Variants in AP1M1 observed in about 807,000 individuals in gnomAD.
The protein encoded by AP1M1 is AP-1 complex subunit mu-1.
Under a neutral mutation model 57.1 loss-of-function variants are expected in AP1M1, and 18 were observed. That is an observed-to-expected ratio of 0.32 (90% CI 0.22 to 0.47). The LOEUF is 0.47. AP1M1 is among the 20% of genes least tolerant of loss of function. The pLI, the probability that AP1M1 is intolerant of heterozygous loss-of-function variation, is 1.00. For missense variants in AP1M1, 362 were observed against 593.5 expected (o/e 0.61, Z 4.05); for synonymous variants, 241 against 237.9 (o/e 1.01, Z -0.12).
intron 5 of AP1M1, among the ~76,000 whole-genome samples, chr19:16,211,090 C>A (rs2091491349): frequency 1.5e-5 from 2 of 130,768 alleles, no homozygotes; most frequent in Admixed American, 8.6e-5. Flanking sequence ...TCTTTTTATT[C>A]TCTTAGCAGT....
At chr19:16,205,659 C>T (rs1170319201) in intron 2 of AP1M1, among the ~76,000 whole-genome samples, 2 of 152,118 alleles carry the variant, frequency 1.3e-5, no homozygotes, top group Non-Finnish European at 2.9e-5. Context: ...CCTTCTCTGG[C>T]GGCCCGGGGA....
chr19:16,226,427 G>A lies in AP1M1; in HGVS notation c.553G>A (p.Ala185Thr), dbSNP rs777141997. ...VIESVNLLVSANGNVLRSEIV... is the reference protein window; with the variant it reads ...VIESVNLLVSTNGNVLRSEIV... The stretch of plus-strand genomic sequence containing the variant: ...CCCACACCGCCACCCCCAGGTCAGC[G>A]CCAACGGCAATGTCCTGCGCAGCGA... The change falls in exon 6 of 12, where the codon GCC becomes ACC. Residue 185 changes from alanine (A) to threonine (T), a missense_variant. Ala to Thr is a moderately conservative substitution (Grantham distance 58). Coordinates refer to ENST00000291439, the MANE Select transcript of AP1M1 (RefSeq NM_032493.4). 1.0e-5 allele frequency: 16 copies of A among 1,540,048 alleles called. No homozygotes were observed. Among genetic ancestry groups the A allele is most frequent in the Admixed American group, 3.8e-5 (2 of 52,862 alleles).
chr19:16,210,294 CA>C (rs1197116088), intron 5 of AP1M1: 42 of 688,166 alleles, frequency 6.1e-5, no homozygotes, highest in Non-Finnish European at 1.1e-4. Flanking sequence ...TGGCAATTGT[CA>C]ATAGAGTTGC....
At chr19:16,209,699 C>T (rs532397224) in intron 5 of AP1M1, among the ~76,000 whole-genome samples, 1 of 151,968 alleles carries the variant, frequency 6.6e-6, no homozygotes, top group Non-Finnish European at 1.5e-5. Flanking sequence ...GGGCCTCATT[C>T]TGTAGACAGA....
At chr19:16,226,014 C>T (rs1468196364) in intron 5 of AP1M1, among the ~76,000 whole-genome samples, 1 of 152,160 alleles carries the variant, frequency 6.6e-6, no homozygotes, top group Admixed American at 6.5e-5. Flanking sequence ...AGCGTGGGGA[C>T]CAGCTGCCGG....
intron 5 of AP1M1, among the ~76,000 whole-genome samples, chr19:16,211,403 A>G (rs1381502677): frequency 7.9e-5 from 12 of 152,130 alleles, no homozygotes; most frequent in Admixed American, 7.2e-4. Flanking sequence ...CCCCAATACT[A>G]TATTGAATAG....
chr19:16,219,697 G>A (rs902949436), intron 5 of AP1M1, among the ~76,000 whole-genome samples: 2 of 152,126 alleles, frequency 1.3e-5, no homozygotes, highest in South Asian at 2.1e-4. Flanking sequence ...ACTGCACCTG[G>A]CTTCATTTAT....
At chr19:16,220,367 A>G (rs1194022309) in intron 5 of AP1M1, among the ~76,000 whole-genome samples, 1 of 151,942 alleles carries the variant, frequency 6.6e-6, no homozygotes, top group African/African-American at 2.4e-5. Flanking sequence ...GTGTGCCACC[A>G]TGCCCGGCTT....
chr19:16,231,193 T>C lies in AP1M1; in HGVS notation c.1047+2265T>C, dbSNP rs1203771608. 4.1e-5 allele frequency among the ~76,000 whole-genome samples: 6 copies of C among 144,656 alleles called. No homozygotes were observed. The South Asian group carries it at 6.6e-4, about 16-fold the overall frequency. The allele number at this position is 144,656 out of a possible 152,430, so 94.9% of individuals were successfully genotyped here. On this transcript the variant is annotated intron_variant, in intron 9 of 11. Coordinates refer to ENST00000291439, the MANE Select transcript of AP1M1 (RefSeq NM_032493.4). ...GTCCCAGCTACTCGGGAGGCTGAGG[T>C]GGGAGAATGGTGTGAACTCGGGAGG...
intron 2 of AP1M1, among the ~76,000 whole-genome samples, chr19:16,204,894 C>G (rs4808469): frequency 0.66 from 98,445 of 149,850 alleles, 34,623 homozygotes; most frequent in Non-Finnish European, 0.8. Flanking sequence ...GCAGTGGCGC[C>G]ATCTGGGCTC....
chr19:16,232,746 G>A lies in AP1M1; in HGVS notation c.1048-747G>A, dbSNP rs544516262. ...AGTAGCTCCCACGGAACCTCGGCCT[G>A]AGCCCTGGGGAGCAGAGACTGTGGG... On this transcript the variant is annotated intron_variant, in intron 9 of 11. Coordinates refer to ENST00000291439, the MANE Select transcript of AP1M1 (RefSeq NM_032493.4). Among the ~76,000 whole-genome samples the A allele has an allele frequency of 4.0e-4, 61 of 152,352 alleles. 1 individual carries two copies. The highest frequency in any genetic ancestry group is 3.1e-3 in the Admixed American group (48 of 15,306).
At position 16,238,562 on chromosome 19, in the gene AP1M1, A is replaced by G. The variant is rs978858266; in HGVS notation, c.*4127A>G. 6.6e-6 allele frequency: 1 copy of G among 152,198 alleles called. No individual in the cohort carries two copies. The highest frequency in any genetic ancestry group is 2.4e-5 in the African/African-American group (1 of 41,438). The allele number at this position is 152,198 out of a possible 1,614,324, so 9.4% of individuals were successfully genotyped here. On this transcript the variant is annotated 3_prime_UTR_variant, in exon 12 of 12. Transcript: ENST00000291439. ...GCTTAGGGATCTATATATATCCAGC[A>G]AAAGTCTAACGAGATGCTTGAGAAT...
chr19:16,199,665 A>T (rs1402323875), intron 1 of AP1M1, among the ~76,000 whole-genome samples: 1 of 151,958 alleles, frequency 6.6e-6, no homozygotes, highest in Non-Finnish European at 1.5e-5. Context: ...ACCCAAAGTC[A>T]ACAACTGGTG....
rs1453135961 is a variant in AP1M1, at chr19:16,235,105, C to G, written c.*670C>G. ...TCTGCCTGCTCCCTGGACTCGCAGG[C>G]CTCGCCTGTGGCGCCTTCCCAGGGC... On this transcript the variant is annotated 3_prime_UTR_variant, in exon 12 of 12. Coordinates refer to ENST00000291439, the MANE Select transcript of AP1M1 (RefSeq NM_032493.4). 6.6e-6 allele frequency: 1 copy of G among 152,510 alleles called. No individual in the cohort carries two copies. The highest frequency in any genetic ancestry group is 1.5e-5 in the Non-Finnish European group (1 of 68,290). The allele number at this position is 152,510 out of a possible 1,614,324, so 9.4% of individuals were successfully genotyped here. A position where few individuals can be genotyped will look rare whatever the true frequency, so the allele number is the denominator to read the frequency against.
chr19:16,200,292 G>A (rs1046295732), intron 1 of AP1M1, among the ~76,000 whole-genome samples: 2 of 152,208 alleles, frequency 1.3e-5, no homozygotes, highest in South Asian at 2.1e-4. Flanking sequence ...TGAAGAGGGC[G>A]ACGCTGGAAG....
rs1399755493 is a variant in AP1M1 at position 16,243,154 on chromosome 19, G to C, written c.*8719G>C. On this transcript the variant is annotated 3_prime_UTR_variant, in exon 12 of 12. Coordinates refer to ENST00000291439, the MANE Select transcript of AP1M1 (RefSeq NM_032493.4). ...CACACAACTCCAAGAATTATTATTA[G>C]AGTTCCCACTCTCTGAGGAATTTTC... 1 of 152,156 alleles carries C rather than the reference G, an allele frequency of 6.6e-6. No individual in the cohort carries two copies. The highest frequency in any genetic ancestry group is 1.9e-4 in the East Asian group (1 of 5,196). The allele number at this position is 152,156 out of a possible 1,614,324, so 9.4% of individuals were successfully genotyped here.
intron 4 of AP1M1, among the ~76,000 whole-genome samples, chr19:16,208,479 T>C (rs2091479582): frequency 6.6e-6 from 1 of 152,196 alleles, no homozygotes; most frequent in Non-Finnish European, 1.5e-5. Context: ...CTCTTTGGAA[T>C]CCTGCCCTTC....
rs915445670 is a variant in AP1M1, at chr19:16,242,640, C to T, written c.*8205C>T. ...TAAAAAAACATTAAAAGATGTGACA[C>T]TTAAAATATAAGCACACAACACAGT... On this transcript the variant is annotated 3_prime_UTR_variant, in exon 12 of 12. Transcript: ENST00000291439. 6.6e-6 allele frequency: 1 copy of T among 152,106 alleles called. No homozygotes were observed. The highest frequency in any genetic ancestry group is 2.4e-5 in the African/African-American group (1 of 41,404). 9.4% of individuals were successfully genotyped at this position (152,106 alleles called of 1,614,324 possible).
chr19:16,197,967 C>T lies in AP1M1; in HGVS notation c.-60C>T, dbSNP rs562430538. 4.6e-3 allele frequency: 4,979 copies of T among 1,087,524 alleles called. 15 individuals are homozygous for T. Among genetic ancestry groups the T allele is most frequent in the Non-Finnish European group, 5.4e-3 (4,668 of 868,668 alleles). 67.4% of individuals were successfully genotyped at this position (1,087,524 alleles called of 1,614,324 possible). On this transcript the variant is annotated 5_prime_UTR_variant, in exon 1 of 12. Coordinates refer to ENST00000291439, the MANE Select transcript of AP1M1 (RefSeq NM_032493.4). ...CCGGCCTTGCTCAACGCCCAGCAGTCCCCACCGTCGCTGCCGCCGCCACCG... is the reference window on the plus strand; with the variant it reads ...CCGGCCTTGCTCAACGCCCAGCAGTTCCCACCGTCGCTGCCGCCGCCACCG...
Sources: allele counts gnomAD v4.1 joint callset (sites outside exome capture counted in the v4.1 genomes callset), GRCh38; gene constraint gnomAD v4.1.1; transcripts MANE v1.5; gene names NCBI Gene and HGNC (gene_info 2026-07-23, HGNC 2026-07-21).